CLBA1: variants seen among roughly 807,000 people sequenced by gnomAD.
CLBA1 encodes uncharacterized protein CLBA1.
Under a neutral mutation model 28.8 loss-of-function variants are expected in CLBA1, and 30 were observed. The observed-to-expected ratio is 1.04, with a 90% CI of 0.78 to 1.41. The LOEUF (loss-of-function observed/expected upper bound fraction) is 1.41. Among genes scored for constraint, CLBA1 ranks in the 40% most tolerant of loss-of-function variants. The pLI is 0.00. For synonymous variants in CLBA1, 160 were observed against 152.8 expected, an observed-to-expected ratio of 1.05 and a Z score of -0.35; for missense variants, 451 against 412.3, an observed-to-expected ratio of 1.09 and a Z score of -0.81.
chr14:104,995,099 G>A lies in CLBA1; in HGVS notation c.*340G>A. 1 of 1,011,892 alleles carries A rather than the reference G, an allele frequency of 9.9e-7. No individual in the cohort carries two copies. Among genetic ancestry groups the A allele is most frequent in the Non-Finnish European group, 1.2e-6 (1 of 847,574 alleles). 62.7% of individuals were successfully genotyped at this position (1,011,892 alleles called of 1,614,324 possible). A position where few individuals can be genotyped will look rare whatever the true frequency, so the allele number is the denominator to read the frequency against. On this transcript the variant is annotated 3_prime_UTR_variant, in exon 5 of 5. Coordinates refer to ENST00000547315, the MANE Select transcript of CLBA1 (RefSeq NM_174891.4). ...GGACCCTGGGCATGGCTTCTGGGCT[G>A]CTTAGTCCAGGGGGAGCAACTTGTG...
Position 104,994,529 on chromosome 14 carries a change from G to T in CLBA1, c.817-69G>T, listed in dbSNP as rs138482538. 5.6e-5 allele frequency: 85 copies of T among 1,520,360 alleles called. No homozygotes were observed. In the African/African-American group the frequency reaches 1.1e-3, roughly 20 times the overall value. 94.2% of individuals were successfully genotyped at this position (1,520,360 alleles called of 1,614,324 possible). On this transcript the variant is annotated intron_variant, in intron 4 of 4. Coordinates refer to ENST00000547315, the MANE Select transcript of CLBA1 (RefSeq NM_174891.4). Reference sequence around the variant, plus strand: ...GCCGAGAGGCAGGGGGCGGCCAGGGGCAAACGCCCAAGCTAGCGCTTCTCA... The same window carrying T: ...GCCGAGAGGCAGGGGGCGGCCAGGGTCAAACGCCCAAGCTAGCGCTTCTCA...
At chr14:104,987,674 G>C (rs1275270320) in intron 1 of CLBA1, among the ~76,000 whole-genome samples, 1 of 125,870 alleles carries the variant, frequency 7.9e-6, no homozygotes, top group Non-Finnish European at 1.6e-5. Context: ...CTGGAGTGCA[G>C]TGGCACTGTG....
At chr14:105,000,206 A>G (rs1900240132), downstream of CLBA1, among the ~76,000 whole-genome samples, 1 of 152,212 alleles carries the variant, frequency 6.6e-6, no homozygotes, top group Non-Finnish European at 1.5e-5. Context: ...AGGAACTCAA[A>G]CAACGTAACA....
At chr14:104,989,435 C>A (rs1209175627) in intron 2 of CLBA1, 2 of 395,816 alleles carry the variant, frequency 5.1e-6, no homozygotes, top group Non-Finnish European at 5.0e-6. Flanking sequence ...GCACAGGGGC[C>A]TTCTGGGGGA....
chr14:104,996,310 G>A (rs1900154174), downstream of CLBA1, among the ~76,000 whole-genome samples: 1 of 152,194 alleles, frequency 6.6e-6, no homozygotes, highest in African/African-American at 2.4e-5. Flanking sequence ...AGGTAAGGAG[G>A]GACCAGGCGA....
chr14:104,990,026 G>A (rs560132010), intron 2 of CLBA1: 29 of 231,246 alleles, frequency 1.3e-4, no homozygotes, highest in South Asian at 1.1e-3. Context: ...CAGATGGCCC[G>A]TGTGCCCTCT....
chr14:104,986,310 C>A lies in CLBA1; in HGVS notation c.-122C>A. 1.2e-5 allele frequency: 13 copies of A among 1,057,102 alleles called. No homozygotes were observed. In the South Asian group the frequency reaches 1.9e-4, roughly 16 times the overall value. 65.5% of individuals were successfully genotyped at this position (1,057,102 alleles called of 1,614,324 possible). On this transcript the variant is annotated 5_prime_UTR_variant, in exon 1 of 5. Transcript: ENST00000547315. ...CACTGGGCAGCCCGGGGCACTCCTGCAGCGTCCCCTGGCCCTCTCCAGGGC... is the reference window on the plus strand; with the variant it reads ...CACTGGGCAGCCCGGGGCACTCCTGAAGCGTCCCCTGGCCCTCTCCAGGGC...
In CLBA1 at chr14:104,994,639, A is replaced by G. The variant is rs1405387603; in HGVS notation, c.858A>G (p.Thr286=). The stretch of plus-strand genomic sequence containing the variant: ...GCAGCAAACAGGGGAGGCTGATGAC[A>G]TGCAGCCGCTTCCTGAAGACCCCCT... ...PPGSKQGRLM[T]CSRFLKTPSC... is the part of the protein sequence containing the mutation. Residue 286 remains threonine (T), a synonymous_variant, in exon 5 of 5, where the codon ACA becomes ACG. Coordinates refer to ENST00000547315, the MANE Select transcript of CLBA1 (RefSeq NM_174891.4). 2.5e-6 allele frequency: 4 copies of G among 1,613,346 alleles called. No individual in the cohort carries two copies. Among genetic ancestry groups the G allele is most frequent in the South Asian group, 1.1e-5 (1 of 91,076 alleles).
downstream of CLBA1, among the ~76,000 whole-genome samples, chr14:104,998,163 T>G (rs911043418): frequency 5.3e-5 from 8 of 152,076 alleles, no homozygotes; most frequent in African/African-American, 1.7e-4. Context: ...TCCCAGCACT[T>G]TGAGAGGCCA....
intron 3 of CLBA1, 151 bp from the exon 4 acceptor site, chr14:104,992,797 C>G: frequency 1.3e-4 from 101 of 766,670 alleles, no homozygotes; most frequent in Admixed American, 5.8e-5. Flanking sequence ...AGTGGCAGGG[C>G]GACACAGGGG....
intron 3 of CLBA1, among the ~76,000 whole-genome samples, chr14:104,992,168 G>A (rs1365264336): frequency 2.9e-5 from 4 of 139,986 alleles, no homozygotes; most frequent in Non-Finnish European, 4.6e-5. Context: ...ACCACCACAT[G>A]CCACCATGCA....
chr14:104,990,084 G>C (rs1036150461), intron 2 of CLBA1: 7 of 194,676 alleles, frequency 3.6e-5, no homozygotes, highest in Admixed American at 3.6e-4. Flanking sequence ...AAACTGTGGA[G>C]AATGTGGTCC....
chr14:104,989,540 C>A (rs2241866), intron 2 of CLBA1: 8 of 454,374 alleles, frequency 1.8e-5, no homozygotes, highest in African/African-American at 1.6e-4. Context: ...GCCCCAGGCC[C>A]AGCCCCAGGG....
intron 3 of CLBA1, among the ~76,000 whole-genome samples, chr14:104,992,081 C>A (rs1366773795): frequency 6.8e-6 from 1 of 147,752 alleles, no homozygotes; most frequent in African/African-American, 2.5e-5. Flanking sequence ...CACCCCGCCA[C>A]GCACATGCCT....
intron 2 of CLBA1, among the ~76,000 whole-genome samples, chr14:105,000,713 C>T (rs1030553729): frequency 2.6e-5 from 4 of 152,118 alleles, no homozygotes; most frequent in Non-Finnish European, 5.9e-5. Context: ...AAGATACCCC[C>T]TCACACCTGT....
chr14:104,995,059 G>C lies in CLBA1; in HGVS notation c.*300G>C, dbSNP rs1249093589. On this transcript the variant is annotated 3_prime_UTR_variant, in exon 5 of 5. Transcript: ENST00000547315. ...GTGAATGCTGCTGGCACCTGGTGGG[G>C]GGTTGCCCAGGGATGGACCCTGGGC... 9.5e-7 allele frequency: 1 copy of C among 1,054,946 alleles called. No homozygotes were observed. 65.3% of individuals were successfully genotyped at this position (1,054,946 alleles called of 1,614,324 possible). A position where few individuals can be genotyped will look rare whatever the true frequency, so the allele number is the denominator to read the frequency against.
chr14:104,993,344 C>T (rs2140899041), intron 4 of CLBA1: 1 of 985,392 alleles, frequency 1.0e-6, no homozygotes. Context: ...GAGAAGAGAG[C>T]TGCAGGGAAG....
chr14:104,992,062 C>T (rs1047001438), intron 3 of CLBA1, among the ~76,000 whole-genome samples: 10 of 149,390 alleles, frequency 6.7e-5, no homozygotes, highest in East Asian at 6.0e-4. Flanking sequence ...ACGCACACGC[C>T]GCCACGCACA....
chr14:104,991,303 C>T (rs941094700), intron 2 of CLBA1, 188 bp from the exon 3 acceptor site: 7 of 532,076 alleles, frequency 1.3e-5, no homozygotes, highest in African/African-American at 7.8e-5. Context: ...GGATTACAGG[C>T]GTGAGCCACT....
Sources: gnomAD v4.1 joint callset for allele counts (sites outside exome capture counted in the v4.1 genomes callset) on GRCh38, gnomAD v4.1.1 for gene constraint, MANE v1.5 for transcripts, NCBI Gene and HGNC (gene_info 2026-07-23, HGNC 2026-07-21) for gene names.